Variants in GLIS3 observed in about 807,000 individuals in gnomAD.
GLIS3 encodes GLIS family zinc finger 3, also known as zinc finger protein GLIS3.
GLIS3 carries 53 observed loss-of-function variants against 78.6 expected under a neutral mutation model. That is an observed-to-expected ratio of 0.67 (90% CI 0.54 to 0.85). The LOEUF (loss-of-function observed/expected upper bound fraction) is 0.85. Among genes scored for constraint, GLIS3 ranks in the 40% least tolerant of loss-of-function variants. The pLI, the probability that GLIS3 is intolerant of heterozygous loss-of-function variation, is 0.00. For synonymous variants in GLIS3, 684 were observed against 509.9 expected (o/e 1.34, Z -4.60); for missense variants, 1,703 against 1,231.1 (o/e 1.38, Z -5.74).
chr9:4,325,077 G>T (rs933162181), intron 2 of GLIS3, among the ~76,000 whole-genome samples: 2 of 152,112 alleles, frequency 1.3e-5, no homozygotes, highest in African/African-American at 4.8e-5. Context: ...TAAATAATTT[G>T]TCCAGGCCAC....
the GLIS3 span, among the ~76,000 whole-genome samples, chr9:4,364,625 A>G: frequency 6.6e-6 from 1 of 151,602 alleles, no homozygotes; most frequent in Non-Finnish European, 1.5e-5. Context: ...TATGTTCCAA[A>G]ATGTTAATAC....
At chr9:3,943,839 G>C (rs1816104792) in intron 4 of GLIS3, among the ~76,000 whole-genome samples, 1 of 152,170 alleles carries the variant, frequency 6.6e-6, no homozygotes, top group Admixed American at 6.5e-5. Context: ...AGATTATCTG[G>C]AACTACTAAA....
In GLIS3 at chr9:4,067,837, G is replaced by C. The variant is rs1183429175; in HGVS notation, c.1710+49931C>G. Reference sequence around the variant, plus strand: ...AATATATGGTTACCAGCAAAGAACAGATTGATCCCAGACTTCTCCATAACA... The same window carrying C: ...AATATATGGTTACCAGCAAAGAACACATTGATCCCAGACTTCTCCATAACA... On this transcript the variant is annotated intron_variant, in intron 4 of 10. Transcript: ENST00000381971. Among the ~76,000 whole-genome samples the C allele has an allele frequency of 2.0e-5, 3 of 151,310 alleles. No individual in the cohort carries two copies. In the East Asian group the frequency reaches 5.8e-4, roughly 29 times the overall value.
At chr9:4,384,000 CAG>C in the GLIS3 span, among the ~76,000 whole-genome samples, 1 of 152,214 alleles carries the variant, frequency 6.6e-6, no homozygotes. Context: ...CCCCACTTCT[CAG>C]GGAGTTTGTG....
intron 4 of GLIS3, among the ~76,000 whole-genome samples, chr9:4,007,880 C>T (rs539281032): frequency 0.24 from 1,077 of 4,490 alleles, 9 homozygotes; most frequent in Non-Finnish European, 0.29. Flanking sequence ...GCAGGTCGGG[C>T]GGGGGTGGGT....
At chr9:4,216,791 G>A (rs1400822384) in intron 2 of GLIS3, among the ~76,000 whole-genome samples, 1 of 152,178 alleles carries the variant, frequency 6.6e-6, no homozygotes, top group Non-Finnish European at 1.5e-5. Context: ...TTCTCCACCT[G>A]AAGAACAGGA....
intron 8 of GLIS3, among the ~76,000 whole-genome samples, chr9:3,862,883 A>G (rs374514911): frequency 1.3e-5 from 2 of 150,630 alleles, no homozygotes; most frequent in East Asian, 3.9e-4. Flanking sequence ...GAAATAATGG[A>G]TATAAACTAG....
the GLIS3 span, among the ~76,000 whole-genome samples, chr9:4,482,793 G>A: frequency 1.3e-5 from 2 of 151,856 alleles, no homozygotes; most frequent in South Asian, 2.1e-4. Flanking sequence ...TTTAAAAAGG[G>A]AAAAAAATAA....
chr9:3,946,668 C>T (rs1816315681), intron 4 of GLIS3, among the ~76,000 whole-genome samples: 1 of 152,144 alleles, frequency 6.6e-6, no homozygotes, highest in Non-Finnish European at 1.5e-5. Flanking sequence ...TTTGTAGCAA[C>T]AACTTGTGAA....
chr9:3,947,553 T>A (rs1816385510), intron 4 of GLIS3, among the ~76,000 whole-genome samples: 1 of 152,224 alleles, frequency 6.6e-6, no homozygotes, highest in Non-Finnish European at 1.5e-5. Context: ...AATGTGTGTG[T>A]TTAAGATCTG....
chr9:3,891,957 C>T (rs1043642448), intron 7 of GLIS3, among the ~76,000 whole-genome samples: 4 of 152,112 alleles, frequency 2.6e-5, no homozygotes, highest in Non-Finnish European at 5.9e-5. Context: ...TCTTTTTAAT[C>T]GTGAAGAGTT....
At chr9:4,099,714 T>C (rs1412650421) in intron 4 of GLIS3, among the ~76,000 whole-genome samples, 1 of 152,232 alleles carries the variant, frequency 6.6e-6, no homozygotes, top group African/African-American at 2.4e-5. Context: ...TTAATTTCTA[T>C]TGGTTTCTGT....
intron 4 of GLIS3, among the ~76,000 whole-genome samples, chr9:4,068,920 G>A (rs962340730): frequency 6.6e-6 from 1 of 151,836 alleles, no homozygotes; most frequent in Non-Finnish European, 1.5e-5. Flanking sequence ...TCTGTCCACT[G>A]ATTAAAGGGT....
At chr9:4,255,550 C>G (rs368977496) in intron 2 of GLIS3, among the ~76,000 whole-genome samples, 2 of 152,098 alleles carry the variant, frequency 1.3e-5, no homozygotes, top group Admixed American at 6.6e-5. Context: ...AATGAGCTAT[C>G]AAGCCATGAC....
chr9:4,125,915 T>TAGG lies in GLIS3; in HGVS notation c.414_415insCCT (p.Cys138_Lys139insPro), dbSNP rs767647778. The TAGG allele has an allele frequency of 2.7e-5, 43 of 1,613,884 alleles. No homozygotes were observed. The highest frequency in any genetic ancestry group is 3.6e-5 in the Non-Finnish European group (43 of 1,179,886). On this transcript the variant is annotated inframe_insertion, in exon 3 of 11. Transcript: ENST00000381971. ...TTGCAGCTGCCTTTTCCAATGGACT[T>TAGG]GCACTGAGGCCCAAAGCCAAGAGCC...
At chr9:3,932,553 T>A (rs774942910) in intron 5 of GLIS3, 83 bp from the exon 6 acceptor site, 19 of 991,604 alleles carry the variant, frequency 1.9e-5, no homozygotes, top group Non-Finnish European at 3.1e-5. Flanking sequence ...ACTATTGACT[T>A]CAGAGCATGA....
At chr9:4,401,901 G>A in the GLIS3 span, among the ~76,000 whole-genome samples, 44 of 152,246 alleles carry the variant, frequency 2.9e-4, no homozygotes, top group African/African-American at 9.6e-4. Flanking sequence ...AGGCCCCTCT[G>A]CCTATGGAAA....
rs73641434 is a variant in GLIS3, at chr9:4,337,655, T to C, written n.264+9426A>G. Among the ~76,000 whole-genome samples the C allele has an allele frequency of 8.4e-3, 1,276 of 152,196 alleles. 21 individuals are homozygous for C. Among genetic ancestry groups the C allele is most frequent in the African/African-American group, 0.028 (1,178 of 41,512 alleles). On this transcript the variant is annotated intron_variant and non_coding_transcript_variant, in intron 2 of 4. Coordinates refer to the GLIS3 transcript ENST00000471664. ...CAAGCATCACTGAAGTAAAAGAACA[T>C]GGAGGATCCCTTTGGGCCAATATCT... is the stretch of plus-strand genomic sequence containing the variant.
intron 4 of GLIS3, among the ~76,000 whole-genome samples, chr9:4,064,814 G>C (rs947188434): frequency 7.9e-5 from 12 of 152,126 alleles, no homozygotes; most frequent in African/African-American, 2.9e-4. Flanking sequence ...AGGGAAGTAG[G>C]CTTCAAACTG....
Sources: allele counts gnomAD v4.1 joint callset (sites outside exome capture counted in the v4.1 genomes callset), GRCh38; gene constraint gnomAD v4.1.1; transcripts MANE v1.5; gene names NCBI Gene and HGNC (gene_info 2026-07-23, HGNC 2026-07-21).